The following MAST3 variants were observed in gnomAD, a reference collection of about 807,000 sequenced individuals.
MAST3 encodes the protein microtubule-associated serine/threonine-protein kinase 3.
In MAST3, 43 loss-of-function variants were observed where a neutral mutation model predicts 127.0. That is an observed-to-expected ratio of 0.34 (90% CI 0.27 to 0.44). The LOEUF (loss-of-function observed/expected upper bound fraction) is 0.44, where lower values mean the gene tolerates loss of function less well. Among genes scored for constraint, MAST3 ranks in the 20% least tolerant of loss-of-function variants. MAST3 has a pLI of 1.00. For missense variants in MAST3, 1,390 were observed against 1,919.1 expected (o/e 0.72, Z 5.15); for synonymous variants, 785 against 809.2 (o/e 0.97, Z 0.51).
rs778851593 is a variant in MAST3, at chr19:18,135,822, G to T, written c.1953G>T (p.Pro651=). Residue 651 remains proline, a synonymous_variant, in exon 18 of 28, where the codon CCG becomes CCT. Coordinates refer to ENST00000687212, the MANE Select transcript of MAST3 (RefSeq NM_001393504.1). ...TCACCAGGTTGCTCCGGCAGAGCCC[G>T]CTGGACCGTCTGGGCACTGGTATGT... ...DLITRLLRQS[P]LDRLGTGGTH... is the part of the protein sequence containing the mutation. 1.2e-6 allele frequency: 2 copies of T among 1,607,856 alleles called. No individual in the cohort carries two copies. The highest frequency in any genetic ancestry group is 1.1e-5 in the South Asian group (1 of 89,738).
intron 3 of MAST3, among the ~76,000 whole-genome samples, chr19:18,116,411 G>C (rs183127032): frequency 4.5e-4 from 68 of 151,218 alleles, no homozygotes; most frequent in Non-Finnish European, 8.3e-4. Flanking sequence ...TCCTGCCTCA[G>C]CCTCCCAAGT....
rs1406191652 is a variant in MAST3, at chr19:18,131,450, C to T, written c.1433-459C>T. 8.6e-5 allele frequency among the ~76,000 whole-genome samples: 12 copies of T among 140,188 alleles called. No homozygotes were observed. In the East Asian group the frequency reaches 2.4e-3, roughly 28 times the overall value. The allele number at this position is 140,188 out of a possible 152,430, so 92.0% of individuals were successfully genotyped here. A position where few individuals can be genotyped will look rare whatever the true frequency, so the allele number is the denominator to read the frequency against. ...GCGCGGTGGCCAACGCCTGTAATCTCAGCACTTTGGGAGGCCAAGGCTGGT... is the reference window on the plus strand; with the variant it reads ...GCGCGGTGGCCAACGCCTGTAATCTTAGCACTTTGGGAGGCCAAGGCTGGT... On this transcript the variant is annotated intron_variant, in intron 14 of 27. Transcript: ENST00000687212.
chr19:18,124,859 A>G lies in MAST3; in HGVS notation c.1078+85A>G, dbSNP rs2040403967. The G allele has an allele frequency of 3.4e-6, 5 of 1,463,540 alleles. No homozygotes were observed. The South Asian group carries it at 7.3e-5, about 21-fold the overall frequency. 90.7% of individuals were successfully genotyped at this position (1,463,540 alleles called of 1,614,324 possible). On this transcript the variant is annotated intron_variant, in intron 11 of 27. Transcript: ENST00000687212. ...GGTGGCTCACACCTTTAATACCAGC[A>G]CTTTGGGAAGCTAAGGCGGGCAGAT...
At chr19:18,147,357 C>T in intron 26 of MAST3, 86 bp from the exon 27 acceptor site, 1 of 1,233,646 alleles carries the variant, frequency 8.1e-7, no homozygotes, top group South Asian at 1.3e-5. Flanking sequence ...TCTGCCTCGG[C>T]CTCTGAAAGT....
In MAST3 at chr19:18,130,475, C is replaced by G. The variant is rs963426491; in HGVS notation, c.1224-19C>G. ...GGCCTCGATCTCCGGTCCCAGCAAG[C>G]CTGGCCCTCTGTCCCCAGGGCCGTC... On this transcript the variant is annotated intron_variant, in intron 13 of 27. Coordinates refer to ENST00000687212, the MANE Select transcript of MAST3 (RefSeq NM_001393504.1). 5.3e-5 allele frequency: 84 copies of G among 1,575,616 alleles called. No homozygotes were observed. The highest frequency in any genetic ancestry group is 9.2e-5 in the South Asian group (8 of 87,002).
At chr19:18,117,969 G>C in intron 3 of MAST3, 1 of 281,230 alleles carries the variant, frequency 3.6e-6, no homozygotes, top group Non-Finnish European at 5.3e-6. Flanking sequence ...CGCCCCCAAC[G>C]GCCCCGCCCC....
chr19:18,130,369 T>C lies in MAST3; in HGVS notation c.1224-125T>C, dbSNP rs980418586. 16 of 790,056 alleles carry C rather than the reference T, an allele frequency of 2.0e-5. No homozygotes were observed. In the Admixed American group the frequency reaches 3.0e-4, roughly 15 times the overall value. The allele number at this position is 790,056 out of a possible 1,614,324, so 48.9% of individuals were successfully genotyped here. On this transcript the variant is annotated intron_variant, in intron 13 of 27. Coordinates refer to ENST00000687212, the MANE Select transcript of MAST3 (RefSeq NM_001393504.1). ...AGGGGGAACAGGTAAGGAGAATGGG[T>C]GGCCCAGGTGGAGGGCACAGCACAG...
At chr19:18,118,256 T>TA in intron 3 of MAST3, 1 of 983,930 alleles carries the variant, frequency 1.0e-6, no homozygotes, top group Non-Finnish European at 1.2e-6. Flanking sequence ...CTCCAAGAGG[T>TA]AGGGGGCACG....
At chr19:18,147,653 C>G in intron 27 of MAST3, 29 bp downstream of exon 27, 1 of 1,464,370 alleles carries the variant, frequency 6.8e-7, no homozygotes, top group South Asian at 1.3e-5. Flanking sequence ...CCCACCACCC[C>G]GGCTACCCTG....
intron 1 of MAST3, among the ~76,000 whole-genome samples, chr19:18,103,185 T>C (rs1477967692): frequency 6.6e-6 from 1 of 151,780 alleles, no homozygotes; most frequent in African/African-American, 2.4e-5. Flanking sequence ...TGGTCCAGCT[T>C]CCCCGGGAGC....
chr19:18,107,745 C>A, intron 2 of MAST3, 127 bp downstream of exon 2: 1 of 1,066,550 alleles, frequency 9.4e-7, no homozygotes, highest in East Asian at 2.6e-5. Context: ...TTCATTCTTG[C>A]CCTCGTGTTT....
In MAST3 at chr19:18,123,569, C is replaced by T; in HGVS notation, c.558-11C>T. 1 of 1,555,032 alleles carries T rather than the reference C, an allele frequency of 6.4e-7. No individual in the cohort carries two copies. Among genetic ancestry groups the T allele is most frequent in the Non-Finnish European group, 8.7e-7 (1 of 1,150,902 alleles). Reference sequence around the variant, plus strand: ...AGGTCCCATATCACAAGCCAGCTGTCTTCCTTTCAGCCCGGGCCGTGCAAC... The same window carrying T: ...AGGTCCCATATCACAAGCCAGCTGTTTTCCTTTCAGCCCGGGCCGTGCAAC... On this transcript the variant is annotated splice_polypyrimidine_tract_variant and intron_variant, in intron 7 of 27. Transcript: ENST00000687212.
At chr19:18,113,184 G>T (rs2038838904) in intron 3 of MAST3, among the ~76,000 whole-genome samples, 1 of 152,172 alleles carries the variant, frequency 6.6e-6, no homozygotes, top group Non-Finnish European at 1.5e-5. Context: ...GAGCCACATT[G>T]CCTTGGGCCT....
chr19:18,145,267 A>G lies in MAST3; in HGVS notation c.3039+38A>G. 1 of 1,588,394 alleles carries G rather than the reference A, an allele frequency of 6.3e-7. No homozygotes were observed. Among genetic ancestry groups the G allele is most frequent in the Non-Finnish European group, 8.6e-7 (1 of 1,157,326 alleles). ...TGGGAATGGCAGGGACCCGGGTTCT[A>G]GTTTGACTCTGCCCGGTCATGTCCC... On this transcript the variant is annotated intron_variant, in intron 24 of 27. Transcript: ENST00000687212. The surrounding 1 kb of genome is among the most constrained non-coding windows in gnomAD (Gnocchi z 5.9).
chr19:18,104,646 G>T (rs2037925854), intron 1 of MAST3, among the ~76,000 whole-genome samples: 1 of 152,056 alleles, frequency 6.6e-6, no homozygotes, highest in Non-Finnish European at 1.5e-5. Context: ...CAACGTGGCC[G>T]CCCTGATGTG....
In MAST3 at chr19:18,130,604, G is replaced by A. The variant is rs761590628; in HGVS notation, c.1334G>A (p.Arg445His). Reference protein sequence around the residue: ...RNQIQQVFVERDILTFAENPF... With the variant: ...RNQIQQVFVEHDILTFAENPF... ...CAGATCCAGCAGGTCTTTGTGGAGC[G>A]TGACATTCTCACCTTTGCCGAGAAC... The change falls in exon 14 of 28, where the codon CGT (arginine) becomes CAT (histidine). Residue 445 changes from arginine to histidine, a missense_variant. Physicochemically the swap from Arg to His is conservative, Grantham distance 29 (BLOSUM62 0). Coordinates refer to ENST00000687212, the MANE Select transcript of MAST3 (RefSeq NM_001393504.1). The A allele has an allele frequency of 4.2e-5, 67 of 1,613,748 alleles. 2 individuals are homozygous for A. In the Admixed American group the frequency reaches 1.0e-3, roughly 24 times the overall value.
At chr19:18,133,929 A>G (rs1377430727) in intron 15 of MAST3, among the ~76,000 whole-genome samples, 4 of 152,168 alleles carry the variant, frequency 2.6e-5, no homozygotes, top group African/African-American at 9.7e-5. Context: ...ACTTAAATAT[A>G]TAAATGTTTT....
At chr19:18,109,542 C>G (rs766267135) in intron 2 of MAST3, among the ~76,000 whole-genome samples, 1 of 149,680 alleles carries the variant, frequency 6.7e-6, no homozygotes, top group Admixed American at 6.7e-5. Context: ...CTGGGTCCAC[C>G]GGGGCCTCAA....
intron 3 of MAST3, among the ~76,000 whole-genome samples, chr19:18,114,568 C>G (rs907542827): frequency 6.6e-6 from 1 of 152,180 alleles, no homozygotes; most frequent in Non-Finnish European, 1.5e-5. Flanking sequence ...ACAGCCTCTC[C>G]GAGACCAGAC....
Sources: allele counts gnomAD v4.1 joint callset (sites outside exome capture counted in the v4.1 genomes callset), GRCh38; gene constraint gnomAD v4.1.1; non-coding constraint Gnocchi (gnomAD v3.1); transcripts MANE v1.5; gene names NCBI Gene and HGNC (gene_info 2026-07-23, HGNC 2026-07-21).